SYNE2: variants seen among roughly 807,000 people sequenced by gnomAD.
The protein encoded by SYNE2 is spectrin repeat containing nuclear envelope protein 2.
A neutral mutation model predicts 856.3 loss-of-function variants in SYNE2; 431 were observed. That is an observed-to-expected ratio of 0.50 (90% confidence interval 0.47 to 0.55). The LOEUF (loss-of-function observed/expected upper bound fraction) is 0.55. Ranked by LOEUF, SYNE2 falls within the 20% of genes least tolerant of loss-of-function variation. SYNE2 has a pLI of 0.00. For synonymous variants in SYNE2, 2,923 were observed against 2,872.3 expected (o/e 1.02, Z -0.56); for missense variants, 8,129 against 8,023.2 (o/e 1.01, Z -0.50).
intron 21 of SYNE2, among the ~76,000 whole-genome samples, chr14:63,992,674 G>A (rs1446839831): frequency 6.6e-6 from 1 of 152,020 alleles, no homozygotes; most frequent in Non-Finnish European, 1.5e-5. Flanking sequence ...CCCCCATTTT[G>A]CCAATGGCAT....
rs2096933857 is a variant in SYNE2, at chr14:64,021,250, T to C, written c.5152-65T>C. On this transcript the variant is annotated intron_variant, in intron 35 of 115. Transcript: ENST00000555002. Reference sequence around the variant, plus strand: ...GTAATCTCAACCCATTCTCTAGCAATGCAGTTGTCTTAAATCTAGTTAAAT... The same window carrying C: ...GTAATCTCAACCCATTCTCTAGCAACGCAGTTGTCTTAAATCTAGTTAAAT... The C allele has an allele frequency of 2.4e-6, 3 of 1,244,694 alleles. No homozygotes were observed. The South Asian group carries it at 3.6e-5, about 15-fold the overall frequency. The allele number at this position is 1,244,694 out of a possible 1,614,324, so 77.1% of individuals were successfully genotyped here. A position where few individuals can be genotyped will look rare whatever the true frequency, so the allele number is the denominator to read the frequency against.
At chr14:64,075,920 A>G (rs772339934) in intron 53 of SYNE2, 25 bp from the exon 54 acceptor site, 1 of 1,612,620 alleles carries the variant, frequency 6.2e-7, no homozygotes, top group South Asian at 1.1e-5. Context: ...TCTCGTGAGT[A>G]TTGCAACTCT....
In SYNE2 at chr14:64,165,301, T is replaced by C; in HGVS notation, c.16496T>C (p.Phe5499Ser). 1 of 1,613,936 alleles carries C rather than the reference T, an allele frequency of 6.2e-7. No homozygotes were observed. ...ANEFEFVLSQ[F>S]KDFGVRLESL... ...TTGTTCTAGTTTGTTCTCTCACAGT[T>C]TAAGGATTTTGGAGTCCGGCTGGAA... Residue 5499 changes from phenylalanine (F) to serine (S), a missense_variant, in exon 90 of 116, where the codon TTT becomes TCT. Around this residue, in one of 3 missense-constraint regions of SYNE2, gnomAD observed 5,410 missense variants for 5,284.8 expected, o/e 1.02. Coordinates refer to ENST00000555002, the MANE Select transcript of SYNE2 (RefSeq NM_182914.3).
intron 56 of SYNE2, 35 bp downstream of exon 56, chr14:64,080,673 T>G (rs1455197854): frequency 1.2e-6 from 2 of 1,608,998 alleles, no homozygotes; most frequent in South Asian, 2.2e-5. Context: ...TCATATCATG[T>G]GGTGGTATTG....
intron 7 of SYNE2, among the ~76,000 whole-genome samples, chr14:63,952,377 A>G (rs1164100781): frequency 2.0e-5 from 3 of 152,226 alleles, no homozygotes; most frequent in Admixed American, 2.0e-4. Context: ...AAGTGATTGC[A>G]GCTTTTGCCA....
chr14:63,812,683 T>C (rs1054310762), intron 1 of SYNE2, among the ~76,000 whole-genome samples: 3 of 152,214 alleles, frequency 2.0e-5, no homozygotes, highest in African/African-American at 7.2e-5. Flanking sequence ...TAAATATCCA[T>C]GAAATCTTCA....
intron 108 of SYNE2, among the ~76,000 whole-genome samples, chr14:64,217,032 C>A (rs185497711): frequency 4.6e-5 from 7 of 152,316 alleles, no homozygotes; most frequent in African/African-American, 1.2e-4. Flanking sequence ...AACCTTCAAG[C>A]CTTTGTTATG....
chr14:64,127,343 G>T (rs538212025), intron 73 of SYNE2, among the ~76,000 whole-genome samples: 3 of 152,072 alleles, frequency 2.0e-5, no homozygotes, highest in African/African-American at 7.2e-5. Flanking sequence ...GGGAGGCCTA[G>T]GTAGGTGGAT....
intron 1 of SYNE2, among the ~76,000 whole-genome samples, chr14:63,833,626 C>A (rs1038630514): frequency 6.6e-6 from 1 of 152,166 alleles, no homozygotes; most frequent in Non-Finnish European, 1.5e-5. Context: ...TTGGAAGTAG[C>A]ATGTGTCTAG....
intron 28 of SYNE2, 51 bp from the exon 29 acceptor site, chr14:64,001,883 G>A: frequency 2.5e-6 from 4 of 1,600,594 alleles, no homozygotes; most frequent in Non-Finnish European, 3.4e-6. Context: ...AGTTTCATAG[G>A]ATATCTTTCT....
intron 1 of SYNE2, among the ~76,000 whole-genome samples, chr14:63,787,225 G>A (rs1452904552): frequency 6.6e-6 from 1 of 152,186 alleles, no homozygotes; most frequent in Non-Finnish European, 1.5e-5. Context: ...ATTTTGAAAT[G>A]TATGATTAAT....
intron 99 of SYNE2, among the ~76,000 whole-genome samples, chr14:64,192,772 A>C (rs1250394531): frequency 6.6e-6 from 1 of 152,210 alleles, no homozygotes; most frequent in African/African-American, 2.4e-5. Flanking sequence ...ATTTCAACTT[A>C]GGCAGTGTCA....
At chr14:63,884,096 C>T (rs2094927845) in intron 1 of SYNE2, among the ~76,000 whole-genome samples, 1 of 152,046 alleles carries the variant, frequency 6.6e-6, no homozygotes, top group Non-Finnish European at 1.5e-5. Context: ...GATGTCAGGG[C>T]CAGAGGGGCG....
chr14:64,210,241 C>G, intron 103 of SYNE2, 117 bp downstream of exon 103: 1 of 1,306,892 alleles, frequency 7.7e-7, no homozygotes, highest in Non-Finnish European at 1.0e-6. Context: ...CAGGCCTGAG[C>G]TGTTTTAACA....
intron 6 of SYNE2, among the ~76,000 whole-genome samples, chr14:63,944,824 CTTTT>C (rs55906748): frequency 2.8e-4 from 13 of 46,944 alleles, no homozygotes; most frequent in South Asian, 8.6e-4. Flanking sequence ...GGGCTTAAAG[CTTTT>C]TTTTTTTTTT....
chr14:63,998,477 G>A (rs1399260126), intron 26 of SYNE2, 149 bp downstream of exon 26: 5 of 613,472 alleles, frequency 8.2e-6, no homozygotes, highest in East Asian at 2.8e-5. Flanking sequence ...TTTCTCACAC[G>A]CAGTTGACAG....
At chr14:63,850,235 C>A (rs73276854), upstream of SYNE2, among the ~76,000 whole-genome samples, 66,758 of 147,806 alleles carry the variant, frequency 0.45, 16,040 homozygotes, top group South Asian at 0.56. Flanking sequence ...GCATGAGCCA[C>A]CACACCTAGC....
intron 49 of SYNE2, among the ~76,000 whole-genome samples, chr14:64,057,890 A>G (rs543849508): frequency 6.6e-6 from 1 of 152,332 alleles, no homozygotes; most frequent in Admixed American, 6.5e-5. Flanking sequence ...ACACCTCTTC[A>G]TATCTGTTTG....
At chr14:64,084,281 A>C (rs1163382292) in intron 57 of SYNE2, 2 of 152,162 alleles carry the variant, frequency 1.3e-5, no homozygotes, top group Non-Finnish European at 2.9e-5. Context: ...ATATTAATAC[A>C]CCTATTTTAA....
Sources: gnomAD v4.1 joint callset for allele counts (sites outside exome capture counted in the v4.1 genomes callset) on GRCh38, gnomAD v4.1.1 for gene constraint, gnomAD v4.1.1 regional missense constraint, MANE v1.5 for transcripts, NCBI Gene and HGNC (gene_info 2026-07-23, HGNC 2026-07-21) for gene names.